Variants in PTPRD observed in about 807,000 individuals in gnomAD.
The protein encoded by PTPRD is receptor-type tyrosine-protein phosphatase delta.
A neutral mutation model predicts 214.5 loss-of-function variants in PTPRD; 34 were observed. The observed-to-expected ratio is 0.16, with a 90% CI of 0.12 to 0.21. The LOEUF is 0.21. Ranked by LOEUF, PTPRD falls within the 10% of genes least tolerant of loss-of-function variation. PTPRD has a pLI of 1.00. For synonymous variants in PTPRD, 1,128 were observed against 845.7 expected (o/e 1.33, Z -5.79); for missense variants, 2,545 against 2,398.7 (o/e 1.06, Z -1.27).
At chr9:9,844,310 C>T (rs1425218588) in intron 5 of PTPRD, among the ~76,000 whole-genome samples, 1 of 151,868 alleles carries the variant, frequency 6.6e-6, no homozygotes, top group African/African-American at 2.4e-5. Flanking sequence ...GATCATAATG[C>T]CACTAGACAT....
In PTPRD at chr9:9,847,027, CAAGT is replaced by C. The variant is rs2059670004; in HGVS notation, c.-367-80180_-367-80177del. On this transcript the variant is annotated intron_variant, in intron 5 of 45. Coordinates refer to ENST00000381196, the MANE Select transcript of PTPRD (RefSeq NM_002839.4). Reference sequence around the variant, plus strand: ...GAAAAAAATAAAGCATCCAGACATTCAAGTAATTAGGTTTTTCTTCTGAATAGTT... The same window carrying C: ...GAAAAAAATAAAGCATCCAGACATTCAATTAGGTTTTTCTTCTGAATAGTT... Among the ~76,000 whole-genome samples, 6 of 152,120 alleles carry C rather than the reference CAAGT, an allele frequency of 3.9e-5. No individual in the cohort carries two copies. In the South Asian group the frequency reaches 1.2e-3, roughly 32 times the overall value.
At chr9:9,529,906 G>A (rs947343541) in intron 8 of PTPRD, among the ~76,000 whole-genome samples, 1 of 151,628 alleles carries the variant, frequency 6.6e-6, no homozygotes, top group African/African-American at 2.4e-5. Context: ...AAATATTTGA[G>A]TATTTATGCA....
At chr9:10,047,098 A>G (rs1274653515) in intron 3 of PTPRD, among the ~76,000 whole-genome samples, 4 of 151,964 alleles carry the variant, frequency 2.6e-5, no homozygotes, top group African/African-American at 7.2e-5. Context: ...CAGCTCACCT[A>G]TAGTTTGAAT....
intron 14 of PTPRD, among the ~76,000 whole-genome samples, chr9:8,538,919 A>G (rs2184978): frequency 0.25 from 37,323 of 151,578 alleles, 5,951 homozygotes; most frequent in African/African-American, 0.46. Flanking sequence ...ACTGATTCCA[A>G]TTAGGACTGG....
At chr9:8,855,271 G>C (rs992197076) in intron 11 of PTPRD, among the ~76,000 whole-genome samples, 1 of 152,014 alleles carries the variant, frequency 6.6e-6, no homozygotes, top group Non-Finnish European at 1.5e-5. Context: ...CTTAGTTCCA[G>C]ACTTTGAGAT....
chr9:9,229,448 T>C (rs1476828379), intron 9 of PTPRD, among the ~76,000 whole-genome samples: 1 of 152,064 alleles, frequency 6.6e-6, no homozygotes, highest in Non-Finnish European at 1.5e-5. Flanking sequence ...TGATGAATAA[T>C]CTGTAATCCT....
At chr9:9,106,133 T>A (rs2154445422) in intron 10 of PTPRD, among the ~76,000 whole-genome samples, 1 of 152,194 alleles carries the variant, frequency 6.6e-6, no homozygotes, top group East Asian at 1.9e-4. Flanking sequence ...TACTCATCAT[T>A]TTTGTTATCC....
intron 9 of PTPRD, among the ~76,000 whole-genome samples, chr9:9,252,045 T>A (rs2099975675): frequency 6.6e-6 from 1 of 152,068 alleles, no homozygotes; most frequent in East Asian, 1.9e-4. Context: ...GCAGCTACAT[T>A]TGCCACGGGA....
intron 5 of PTPRD, among the ~76,000 whole-genome samples, chr9:9,884,702 A>T (rs1004182338): frequency 6.6e-6 from 1 of 152,130 alleles, no homozygotes; most frequent in Non-Finnish European, 1.5e-5. Flanking sequence ...AGGTAATTGA[A>T]TCATGGGGAT....
At chr9:9,649,166 T>A (rs372853982) in intron 7 of PTPRD, among the ~76,000 whole-genome samples, 98 of 152,292 alleles carry the variant, frequency 6.4e-4, no homozygotes, top group African/African-American at 2.4e-3. Context: ...CATATATCAG[T>A]AATTTTCTAG....
intron 9 of PTPRD, among the ~76,000 whole-genome samples, chr9:9,372,037 G>A (rs1398581555): frequency 6.6e-6 from 1 of 152,186 alleles, no homozygotes. Flanking sequence ...TTCCAACTAT[G>A]TGATCAATTT....
intron 9 of PTPRD, among the ~76,000 whole-genome samples, chr9:9,294,040 C>T (rs756668093): frequency 6.6e-6 from 1 of 151,524 alleles, no homozygotes; most frequent in Non-Finnish European, 1.5e-5. Context: ...TGTGATACTG[C>T]CACAGTTGAC....
chr9:9,953,665 GAC>G (rs2093650868), intron 4 of PTPRD, among the ~76,000 whole-genome samples: 1 of 152,062 alleles, frequency 6.6e-6, no homozygotes. Context: ...TGGTTTATCT[GAC>G]TTATGCTCAC....
intron 9 of PTPRD, among the ~76,000 whole-genome samples, chr9:9,298,127 A>G (rs935566151): frequency 6.6e-6 from 1 of 151,738 alleles, no homozygotes; most frequent in Admixed American, 6.6e-5. Flanking sequence ...ACTGATAGAA[A>G]GAGTGAAGTC....
At chr9:9,227,763 T>A (rs1235045580) in intron 9 of PTPRD, among the ~76,000 whole-genome samples, 1 of 152,064 alleles carries the variant, frequency 6.6e-6, no homozygotes, top group Non-Finnish European at 1.5e-5. Context: ...AACGGACACA[T>A]CCTGCCCATA....
chr9:9,639,700 C>G (rs926226190), intron 7 of PTPRD, among the ~76,000 whole-genome samples: 20 of 152,116 alleles, frequency 1.3e-4, no homozygotes, highest in African/African-American at 4.6e-4. Context: ...GGTGATAGAT[C>G]TGGTATCGTT....
intron 8 of PTPRD, among the ~76,000 whole-genome samples, chr9:9,524,341 C>T (rs2073492079): frequency 6.6e-6 from 1 of 152,288 alleles, no homozygotes; most frequent in East Asian, 1.9e-4. Context: ...TCACAACACT[C>T]TAACAAATAT....
intron 11 of PTPRD, among the ~76,000 whole-genome samples, chr9:8,837,762 A>G (rs1413509593): frequency 6.6e-6 from 1 of 152,126 alleles, no homozygotes; most frequent in Non-Finnish European, 1.5e-5. Context: ...TCAGCCTCCC[A>G]AAGTGTTGGG....
At chr9:9,337,656 C>A (rs2045099621) in intron 9 of PTPRD, among the ~76,000 whole-genome samples, 1 of 152,150 alleles carries the variant, frequency 6.6e-6, no homozygotes, top group African/African-American at 2.4e-5. Context: ...CAAGACTTGT[C>A]CTGTGATGAC....
Sources: gnomAD v4.1 joint callset for allele counts (sites outside exome capture counted in the v4.1 genomes callset) on GRCh38, gnomAD v4.1.1 for gene constraint, MANE v1.5 for transcripts, NCBI Gene and HGNC (gene_info 2026-07-23, HGNC 2026-07-21) for gene names.